Variants in ADGRB1 observed in about 807,000 individuals in gnomAD.
ADGRB1 encodes the protein adhesion G protein-coupled receptor B1.
ADGRB1 carries 36 observed loss-of-function variants against 175.7 expected under a neutral mutation model. That is an observed-to-expected ratio of 0.20 (90% CI 0.16 to 0.27). The LOEUF (loss-of-function observed/expected upper bound fraction) is 0.27, where lower values mean the gene tolerates loss of function less well. Among genes scored for constraint, ADGRB1 ranks in the 10% least tolerant of loss-of-function variants. The probability of loss-of-function intolerance (pLI) is 1.00; values close to 1 mark genes in which losing one functional copy is unlikely to be tolerated. For synonymous variants in ADGRB1, 1,054 were observed against 979.4 expected (o/e 1.08, Z -1.42); for missense variants, 1,731 against 2,255.3 (o/e 0.77, Z 4.71).
rs1022098493 is a variant in ADGRB1, at chr8:142,543,596, T to A, written c.4450-5T>A. On this transcript the variant is annotated splice_polypyrimidine_tract_variant and splice_region_variant and intron_variant, in intron 29 of 30. Transcript: ENST00000517894. The surrounding 1 kb of genome is among the most constrained non-coding windows in gnomAD (Gnocchi z 4.4). ...CAGGACTCACTGCCCAGACCCCGCC[T>A]GCAGAAGATCATGCACACCCGGAAG... 6 of 1,570,866 alleles carry A rather than the reference T, an allele frequency of 3.8e-6. No homozygotes were observed. In the African/African-American group the frequency reaches 8.2e-5, roughly 21 times the overall value.
Position 142,542,201 on chromosome 8 carries a change from G to T in ADGRB1, c.3967G>T (p.Gly1323Trp). The T allele has an allele frequency of 1.2e-6, 2 of 1,613,634 alleles. No individual in the cohort carries two copies. The highest frequency in any genetic ancestry group is 1.7e-6 in the Non-Finnish European group (2 of 1,179,830). ...GCCCAAGTCCTCCTTCGTCGGTGAC[G>T]GGGACATCTTCAAGAAGCTGGACTC... The part of the protein sequence containing the change: ...KAPKSSFVGD[G>W]DIFKKLDSEL... Residue 1323 changes from glycine (G) to tryptophan (W), a missense_variant, in exon 28 of 31, where the codon GGG becomes TGG. Coordinates refer to ENST00000517894, the MANE Select transcript of ADGRB1 (RefSeq NM_001702.3). The surrounding 1 kb of genome is among the most constrained non-coding windows in gnomAD (Gnocchi z 6.3).
At chr8:142,539,075 C>T (rs7387316) in intron 26 of ADGRB1, among the ~76,000 whole-genome samples, 1,900 of 152,290 alleles carry the variant, frequency 0.012, 43 homozygotes, top group African/African-American at 0.042. Context: ...CTCACATTTA[C>T]AAACACCTGA....
chr8:142,485,430 G>A (rs1414467386), intron 13 of ADGRB1, among the ~76,000 whole-genome samples: 2 of 152,232 alleles, frequency 1.3e-5, no homozygotes, highest in Non-Finnish European at 2.9e-5. Context: ...GCTGGCCCCA[G>A]CTGTGATCCC....
Position 142,479,312 on chromosome 8 carries a change from A to G in ADGRB1, c.1562-11A>G. On this transcript the variant is annotated splice_polypyrimidine_tract_variant and intron_variant, in intron 7 of 30. Transcript: ENST00000517894. ...TGTCGCCTGTGCCCTGTGTCTGGCC[A>G]CGCCCCGCAGTGGATGGCAAGTGGC... 4 of 1,481,334 alleles carry G rather than the reference A, an allele frequency of 2.7e-6. No homozygotes were observed. The South Asian group carries it at 4.2e-5, about 16-fold the overall frequency. The allele number at this position is 1,481,334 out of a possible 1,614,324, so 91.8% of individuals were successfully genotyped here.
chr8:142,482,594 C>A (rs575844398), intron 11 of ADGRB1, among the ~76,000 whole-genome samples: 2 of 147,200 alleles, frequency 1.4e-5, no homozygotes, highest in East Asian at 2.1e-4. Flanking sequence ...TGAGCCCTGA[C>A]CCTCGTCACA....
chr8:142,514,235 G>A (rs1474353007), intron 18 of ADGRB1, among the ~76,000 whole-genome samples: 1 of 152,028 alleles, frequency 6.6e-6, no homozygotes, highest in Admixed American at 6.5e-5. Context: ...TGGTAGAGGC[G>A]GGTACGTGGG....
chr8:142,462,494 T>C (rs371284024), intron 1 of ADGRB1, among the ~76,000 whole-genome samples: 1 of 152,230 alleles, frequency 6.6e-6, no homozygotes, highest in East Asian at 1.9e-4. Context: ...CTGGCTCCCA[T>C]GGGCTCAGAG....
intron 1 of ADGRB1, among the ~76,000 whole-genome samples, chr8:142,451,976 G>A (rs1839377855): frequency 6.6e-6 from 1 of 152,184 alleles, no homozygotes; most frequent in African/African-American, 2.4e-5. Flanking sequence ...GGCGAAGGAG[G>A]GGGCGGGGGT....
At chr8:142,485,184 G>A (rs1360250631) in intron 13 of ADGRB1, among the ~76,000 whole-genome samples, 3 of 152,220 alleles carry the variant, frequency 2.0e-5, no homozygotes, top group African/African-American at 7.2e-5. Context: ...CCGAGTCTTA[G>A]TTTCCTCATT....
chr8:142,536,481 G>A (rs1290559965), intron 25 of ADGRB1, among the ~76,000 whole-genome samples: 1 of 152,288 alleles, frequency 6.6e-6, no homozygotes, highest in East Asian at 1.9e-4. Context: ...GCCATGAAGG[G>A]TGAAATCCCC....
At chr8:142,456,133 C>A (rs950140636) in intron 1 of ADGRB1, among the ~76,000 whole-genome samples, 1 of 152,090 alleles carries the variant, frequency 6.6e-6, no homozygotes, top group Non-Finnish European at 1.5e-5. Flanking sequence ...GCACTCTGCA[C>A]CCCCTCCCTG....
At position 142,464,102 on chromosome 8, in the gene ADGRB1, C is replaced by A; in HGVS notation, c.-97C>A. 1 of 1,079,958 alleles carries A rather than the reference C, an allele frequency of 9.3e-7. No homozygotes were observed. The highest frequency in any genetic ancestry group is 1.2e-6 in the Non-Finnish European group (1 of 858,732). 66.9% of individuals were successfully genotyped at this position (1,079,958 alleles called of 1,614,324 possible). On this transcript the variant is annotated 5_prime_UTR_variant, in exon 2 of 31. Transcript: ENST00000517894. ...CCTTGCCCCGCCTCCCTGCCCCCACCGGGCCGGCCCTGCCCGCCGCCGGAC... is the reference window on the plus strand; with the variant it reads ...CCTTGCCCCGCCTCCCTGCCCCCACAGGGCCGGCCCTGCCCGCCGCCGGAC...
intron 17 of ADGRB1, among the ~76,000 whole-genome samples, chr8:142,507,077 T>G (rs1365741956): frequency 1.3e-5 from 2 of 152,226 alleles, no homozygotes; most frequent in Non-Finnish European, 2.9e-5. Flanking sequence ...TGTGTGAACT[T>G]GGACAATCGC....
intron 21 of ADGRB1, among the ~76,000 whole-genome samples, chr8:142,522,427 C>G (rs1843904589): frequency 6.6e-6 from 1 of 152,220 alleles, no homozygotes; most frequent in South Asian, 2.1e-4. Flanking sequence ...GCCGGGCACC[C>G]TATGTGTTCT....
intron 23 of ADGRB1, among the ~76,000 whole-genome samples, chr8:142,525,433 A>C (rs1844118165): frequency 1.3e-5 from 2 of 152,012 alleles, no homozygotes; most frequent in African/African-American, 2.4e-5. Flanking sequence ...CCCGAGCCCC[A>C]GCAGCCCCTC....
In ADGRB1 at chr8:142,521,034, G is replaced by C. The variant is rs1345353950; in HGVS notation, c.3024+109G>C. On this transcript the variant is annotated intron_variant, in intron 20 of 30. Transcript: ENST00000517894. ...ATCCCTGGGAAACTCAGGCAGGCGG[G>C]TGTGGGGGCAGGAGGAGGCTGCCCC... The C allele has an allele frequency of 3.0e-5, 33 of 1,104,854 alleles. No individual in the cohort carries two copies. In the East Asian group the frequency reaches 3.0e-4, roughly 10 times the overall value. The allele number at this position is 1,104,854 out of a possible 1,614,324, so 68.4% of individuals were successfully genotyped here. A position where few individuals can be genotyped will look rare whatever the true frequency, so the allele number is the denominator to read the frequency against.
intron 1 of ADGRB1, among the ~76,000 whole-genome samples, chr8:142,453,006 C>T (rs1342904375): frequency 1.4e-5 from 2 of 147,520 alleles, no homozygotes; most frequent in African/African-American, 4.9e-5. Flanking sequence ...TCTTGGGCAG[C>T]CCCGGCCGCC....
At chr8:142,478,413 TAGGA>T in intron 7 of ADGRB1, 53 bp downstream of exon 7, 1 of 1,515,664 alleles carries the variant, frequency 6.6e-7, no homozygotes, top group Non-Finnish European at 8.8e-7. Context: ...CAGGAGCCTC[TAGGA>T]AGGGGACAGG....
At chr8:142,498,333 TGA>T in intron 17 of ADGRB1, among the ~76,000 whole-genome samples, 1 of 152,212 alleles carries the variant, frequency 6.6e-6, no homozygotes, top group East Asian at 1.9e-4. Context: ...TCAGGGAGTC[TGA>T]GTGTGCCCCG....
Sources: allele counts gnomAD v4.1 joint callset (sites outside exome capture counted in the v4.1 genomes callset), GRCh38; gene constraint gnomAD v4.1.1; non-coding constraint Gnocchi (gnomAD v3.1); transcripts MANE v1.5; gene names NCBI Gene and HGNC (gene_info 2026-07-23, HGNC 2026-07-21).